The following ATOSB variants were observed in gnomAD, a reference collection of about 807,000 sequenced individuals.
ATOSB encodes atos homolog B.
the ATOSB span, chr9:35,111,725 A>C: frequency 6.6e-6 from 1 of 152,014 alleles, no homozygotes; most frequent in Non-Finnish European, 1.5e-5. Flanking sequence ...CCGCGACCTC[A>C]AGTGCGAGGC....
the ATOSB span, chr9:35,106,597 G>T: frequency 6.4e-7 from 1 of 1,566,118 alleles, no homozygotes; most frequent in Non-Finnish European, 8.7e-7. This position sits in a 1 kb window ranked among gnomAD's most constrained non-coding sequence, Gnocchi z 4.6. Context: ...GAGGCACTGG[G>T]GGGGCTCAGC....
At chr9:35,105,459 A>G in the ATOSB span, 13 of 1,488,116 alleles carry the variant, frequency 8.7e-6, no homozygotes, top group Admixed American at 2.0e-5. This position sits in a 1 kb window ranked among gnomAD's most constrained non-coding sequence, Gnocchi z 5.5. Flanking sequence ...TGGGAGACCC[A>G]GGTGGGAGGA....
chr9:35,106,986 C>T, the ATOSB span: 3 of 1,111,768 alleles, frequency 2.7e-6, no homozygotes, highest in South Asian at 1.4e-5. This position sits in a 1 kb window ranked among gnomAD's most constrained non-coding sequence, Gnocchi z 4.6. Context: ...AACACCCTGC[C>T]CCCCAGGCCT....
chr9:35,108,287 G>A, the ATOSB span: 3,031 of 1,530,626 alleles, frequency 2.0e-3, 51 homozygotes, highest in African/African-American at 0.038. Context: ...AGCCCCCCTT[G>A]GGTCAGGGGG....
the ATOSB span, chr9:35,109,012 G>A: frequency 6.6e-6 from 1 of 152,176 alleles, no homozygotes; most frequent in African/African-American, 2.4e-5. Flanking sequence ...GAGGACTCCT[G>A]CCCTACATGG....
chr9:35,107,270 C>T, the ATOSB span: 9 of 1,309,228 alleles, frequency 6.9e-6, no homozygotes, highest in Non-Finnish European at 9.1e-6. Flanking sequence ...TTGCAGTCAG[C>T]TGAGATTGTG....
the ATOSB span, chr9:35,106,384 T>C: frequency 4.3e-6 from 7 of 1,614,116 alleles, no homozygotes; most frequent in South Asian, 5.5e-5. The surrounding 1 kb of genome is among the most constrained non-coding windows in gnomAD (Gnocchi z 4.6). Flanking sequence ...GGCCAGATGG[T>C]GCAAAACGTC....
chr9:35,108,532 G>A, the ATOSB span: 1 of 1,230,320 alleles, frequency 8.1e-7, no homozygotes, highest in Non-Finnish European at 1.0e-6. Flanking sequence ...TCCTGAGAGG[G>A]TGACAGGTTT....
At chr9:35,113,396 T>A in the ATOSB span, among the ~76,000 whole-genome samples, 1 of 152,092 alleles carries the variant, frequency 6.6e-6, no homozygotes. Flanking sequence ...GAGGCCAAAG[T>A]GGGCGGATCA....
At chr9:35,106,745 C>T in the ATOSB span, 1 of 1,502,462 alleles carries the variant, frequency 6.7e-7, no homozygotes, top group East Asian at 2.5e-5. The surrounding 1 kb of genome is among the most constrained non-coding windows in gnomAD (Gnocchi z 4.6). Context: ...GGCTTCTGCC[C>T]TGGGGTCCCC....
At chr9:35,113,839 C>T in the ATOSB span, among the ~76,000 whole-genome samples, 130 of 152,150 alleles carry the variant, frequency 8.5e-4, no homozygotes, top group Non-Finnish European at 1.0e-3. Context: ...CTCATATTCC[C>T]AGAGCCAACA....
the ATOSB span, chr9:35,107,262 G>A: frequency 1.6e-6 from 2 of 1,213,652 alleles, no homozygotes; most frequent in Admixed American, 5.7e-5. Flanking sequence ...GGAGGAGGTT[G>A]CAGTCAGCTG....
the ATOSB span, chr9:35,107,281 C>T: frequency 7.3e-7 from 1 of 1,360,602 alleles, no homozygotes; most frequent in Admixed American, 2.6e-5. Context: ...TGAGATTGTG[C>T]CACTGCACTC....
At chr9:35,108,514 C>A in the ATOSB span, 1 of 1,240,954 alleles carries the variant, frequency 8.1e-7, no homozygotes, top group South Asian at 2.1e-5. Context: ...AGAGACCACT[C>A]TCAGAACTCC....
At chr9:35,114,909 G>C in the ATOSB span, among the ~76,000 whole-genome samples, 1 of 152,114 alleles carries the variant, frequency 6.6e-6, no homozygotes, top group African/African-American at 2.4e-5. Flanking sequence ...GAGCCCTGCC[G>C]CTGGTTACCA....
the ATOSB span, chr9:35,109,295 T>G: frequency 2.0e-3 from 309 of 152,496 alleles, 1 homozygote; most frequent in Non-Finnish European, 3.2e-3. Context: ...GCAGCCTGTC[T>G]CTTTAACAAG....
chr9:35,113,324 G>A, the ATOSB span, among the ~76,000 whole-genome samples: 2 of 152,238 alleles, frequency 1.3e-5, no homozygotes, highest in East Asian at 1.9e-4. Flanking sequence ...AAGCAGCAGG[G>A]TACAACCAAG....
the ATOSB span, among the ~76,000 whole-genome samples, chr9:35,115,422 T>C: frequency 6.6e-6 from 1 of 151,948 alleles, no homozygotes; most frequent in South Asian, 2.1e-4. Flanking sequence ...GGGGGTTCTG[T>C]TCTCCTGCCT....
the ATOSB span, among the ~76,000 whole-genome samples, chr9:35,115,058 A>G: frequency 6.6e-6 from 1 of 150,774 alleles, no homozygotes; most frequent in Non-Finnish European, 1.5e-5. Context: ...GGGAGGGGGG[A>G]GACAGAGACC....
Sources: gnomAD v4.1 joint callset for allele counts (sites outside exome capture counted in the v4.1 genomes callset) on GRCh38, gnomAD v4.1.1 for gene constraint, Gnocchi (gnomAD v3.1) non-coding constraint, MANE v1.5 for transcripts, NCBI Gene and HGNC (gene_info 2026-07-23, HGNC 2026-07-21) for gene names.